CROCC2: variants seen among roughly 807,000 people sequenced by gnomAD.
CROCC2 encodes ciliary rootlet coiled-coil protein 2.
A neutral mutation model predicts 177.6 loss-of-function variants in CROCC2; 163 were observed. The observed-to-expected ratio is 0.92, with a 90% CI of 0.81 to 1.05. The LOEUF is 1.05. Ranked by LOEUF, CROCC2 falls within the 50% of genes least tolerant of loss-of-function variation. The pLI is 0.00. For missense variants in CROCC2, 1,929 were observed against 1,797.8 expected (o/e 1.07, Z -1.32); for synonymous variants, 904 against 787.3 (o/e 1.15, Z -2.48).
At chr2:240,990,919 C>T (rs944098639) in intron 30 of CROCC2, among the ~76,000 whole-genome samples, 3 of 152,208 alleles carry the variant, frequency 2.0e-5, no homozygotes, top group South Asian at 2.1e-4. Flanking sequence ...TGAACAGAAG[C>T]GGGCCCATCC....
intron 11 of CROCC2, 56 bp from the exon 12 acceptor site, chr2:240,934,275 T>C: frequency 6.5e-7 from 1 of 1,526,974 alleles, no homozygotes; most frequent in Non-Finnish European, 8.8e-7. Context: ...TGAAATCCCA[T>C]GGGGCAGCCA....
intron 8 of CROCC2, 33 bp downstream of exon 8, chr2:240,932,447 AG>A (rs1177857822): frequency 1.4e-6 from 1 of 717,276 alleles, no homozygotes; most frequent in South Asian, 1.5e-5. Flanking sequence ...GCTGTGTGGC[AG>A]GGGTCTGTCA....
chr2:240,983,482 GGA>G, intron 28 of CROCC2: 1 of 1,242,080 alleles, frequency 8.1e-7, no homozygotes, highest in Non-Finnish European at 1.0e-6. Flanking sequence ...AGGCGCAGGC[GGA>G]GAGGCGCGTC....
At position 240,968,703 on chromosome 2, in the gene CROCC2, C is replaced by T. The variant is rs188760075; in HGVS notation, c.4401+441C>T. Among the ~76,000 whole-genome samples, 124 of 152,334 alleles carry T rather than the reference C, an allele frequency of 8.1e-4. 2 individuals carry two copies. In the East Asian group the frequency reaches 0.021, roughly 25 times the overall value. On this transcript the variant is annotated intron_variant, in intron 27 of 31. Coordinates refer to ENST00000690015, the MANE Select transcript of CROCC2 (RefSeq NM_001351305.2). ...CCTGCTCCAAGACCACTTTTCATTC[C>T]ATGTGGCTCAGACACAGAAGGGGCC... is the stretch of plus-strand genomic sequence containing the variant.
At chr2:240,968,611 G>A (rs2106482002) in intron 27 of CROCC2, among the ~76,000 whole-genome samples, 1 of 152,362 alleles carries the variant, frequency 6.6e-6, no homozygotes, top group South Asian at 2.1e-4. Flanking sequence ...TCTTCTTGCT[G>A]AGGCCACAGC....
Position 240,960,405 on chromosome 2 carries a change from G to A in CROCC2, c.3087+961G>A, listed in dbSNP as rs949041055. The stretch of plus-strand genomic sequence containing the variant: ...CACATGATGGTGACGTGGGGTGGGG[G>A]ACAGTCTTGGGCAGGGGGCAAGAGT... On this transcript the variant is annotated intron_variant, in intron 20 of 31. Transcript: ENST00000690015. The surrounding 1 kb of genome is among the most constrained non-coding windows in gnomAD (Gnocchi z 5.0). Among the ~76,000 whole-genome samples the A allele has an allele frequency of 4.6e-5, 7 of 152,172 alleles. No individual in the cohort carries two copies. The highest frequency in any genetic ancestry group is 1.4e-4 in the African/African-American group (6 of 41,452).
chr2:240,964,630 G>A lies in CROCC2; in HGVS notation c.3465+5G>A. 6.5e-7 allele frequency: 1 copy of A among 1,548,092 alleles called. No individual in the cohort carries two copies. Among genetic ancestry groups the A allele is most frequent in the Non-Finnish European group, 8.7e-7 (1 of 1,145,836 alleles). On this transcript the variant is annotated splice_donor_5th_base_variant and intron_variant, in intron 22 of 31. Coordinates refer to ENST00000690015, the MANE Select transcript of CROCC2 (RefSeq NM_001351305.2). ...CTCCGGGAACTCCACAGACAGGTAG[G>A]GCGGCAGGGAGGGGTCAACATCCAA...
chr2:240,922,429 C>A (rs1176686143), intron 3 of CROCC2, 110 bp from the exon 4 acceptor site: 2 of 582,376 alleles, frequency 3.4e-6, no homozygotes, highest in East Asian at 3.1e-5. Flanking sequence ...TGTGGGGCCC[C>A]AGGGAGCCCT....
At chr2:240,977,919 AGCCTC>A (rs2059775813) in intron 27 of CROCC2, among the ~76,000 whole-genome samples, 1 of 19,812 alleles carries the variant, frequency 5.0e-5, no homozygotes, top group African/African-American at 2.3e-4. Context: ...CTGGGGTAGG[AGCCTC>A]AGGATCCCAG....
At position 240,918,264 on chromosome 2, in the gene CROCC2, CTG is replaced by C. The variant is rs1169753007; in HGVS notation, c.79-459_79-458del. Among the ~76,000 whole-genome samples, 10 of 152,212 alleles carry C rather than the reference CTG, an allele frequency of 6.6e-5. No individual in the cohort carries two copies. The highest frequency in any genetic ancestry group is 6.5e-4 in the Admixed American group (10 of 15,292). ...CAAACACACACAAACACACTGGGCT[CTG>C]TGACTGCTGCGTGGGATCTAGGTCC... is the stretch of plus-strand genomic sequence containing the variant. On this transcript the variant is annotated intron_variant, in intron 1 of 31. Coordinates refer to ENST00000690015, the MANE Select transcript of CROCC2 (RefSeq NM_001351305.2). This position sits in a 1 kb window ranked among gnomAD's most constrained non-coding sequence, Gnocchi z 6.3.
At chr2:240,907,354 G>A (rs1348370607) in intron 1 of CROCC2, among the ~76,000 whole-genome samples, 5 of 152,024 alleles carry the variant, frequency 3.3e-5, no homozygotes, top group Non-Finnish European at 5.9e-5. Flanking sequence ...GTCCCACCTC[G>A]GATATCCCTC....
chr2:240,988,858 T>C lies in CROCC2; in HGVS notation c.4671T>C (p.Asn1557=). ...HQEVDGALRQ[N]QQLQAQMTEM... ...AGGTGGACGGAGCCCTGAGGCAAAA[T>C]CAGCAGCTGCAGGTCAACTGGGCCA... Residue 1557 remains asparagine (N), a synonymous_variant, in exon 29 of 32, where the codon AAT becomes AAC. Coordinates refer to ENST00000690015, the MANE Select transcript of CROCC2 (RefSeq NM_001351305.2). The C allele has an allele frequency of 3.4e-6, 5 of 1,483,594 alleles. No individual in the cohort carries two copies. The highest frequency in any genetic ancestry group is 3.6e-6 in the Non-Finnish European group (4 of 1,108,818). The allele number at this position is 1,483,594 out of a possible 1,614,324, so 91.9% of individuals were successfully genotyped here.
In CROCC2 at chr2:240,960,611, C is replaced by T. The variant is rs185319220; in HGVS notation, c.3087+1167C>T. Among the ~76,000 whole-genome samples, 7 of 152,216 alleles carry T rather than the reference C, an allele frequency of 4.6e-5. No homozygotes were observed. Among genetic ancestry groups the T allele is most frequent in the African/African-American group, 1.7e-4 (7 of 41,538 alleles). On this transcript the variant is annotated intron_variant, in intron 20 of 31. Transcript: ENST00000690015. The surrounding 1 kb of genome is among the most constrained non-coding windows in gnomAD (Gnocchi z 5.0). ...GGGGCCCACGGGGACGGGGCGACCT[C>T]GCACACTCCCTGGGCTGCTTGCCAA...
intron 19 of CROCC2, 70 bp downstream of exon 19, chr2:240,956,042 C>T: frequency 8.9e-7 from 1 of 1,121,346 alleles, no homozygotes; most frequent in Non-Finnish European, 1.3e-6. Context: ...GGCCACCCCT[C>T]CTGCCTGGTC....
At chr2:240,926,728 C>A (rs1178664817) in intron 5 of CROCC2, among the ~76,000 whole-genome samples, 1 of 152,264 alleles carries the variant, frequency 6.6e-6, no homozygotes, top group Non-Finnish European at 1.5e-5. Context: ...AGGTCCCAGC[C>A]CCGAGCCCCC....
rs61308140 is a variant in CROCC2 at position 240,992,982 on chromosome 2, C to T, written c.4947-84C>T. The T allele has an allele frequency of 3.3e-5, 23 of 692,680 alleles. 1 individual carries two copies. Among genetic ancestry groups the T allele is most frequent in the South Asian group, 1.1e-4 (7 of 65,136 alleles). The allele number at this position is 692,680 out of a possible 1,614,324, so 42.9% of individuals were successfully genotyped here. ...CAGTTGTGGGCAGGAGACTCAGCAT[C>T]GGTCCCTCCAGCCCCCGGCAGCAGG... On this transcript the variant is annotated intron_variant, in intron 31 of 31. Coordinates refer to ENST00000690015, the MANE Select transcript of CROCC2 (RefSeq NM_001351305.2).
intron 14 of CROCC2, among the ~76,000 whole-genome samples, chr2:240,942,840 A>C (rs74000171): frequency 0.028 from 4,302 of 151,792 alleles, 144 homozygotes; most frequent in East Asian, 0.16. Context: ...TCCAGGTTTT[A>C]TTTTCTTTTT....
Position 240,988,865 on chromosome 2 carries a change from C to T in CROCC2, c.4678C>T (p.Leu1560=), listed in dbSNP as rs2059858026. ...VDGALRQNQQ[L]QAQMTEMEQA... ...CGGAGCCCTGAGGCAAAATCAGCAGCTGCAGGTCAACTGGGCCAGTGGAGC... is the reference window on the plus strand; with the variant it reads ...CGGAGCCCTGAGGCAAAATCAGCAGTTGCAGGTCAACTGGGCCAGTGGAGC... Residue 1560 remains leucine (L), a synonymous_variant, in exon 29 of 32, where the codon CTG becomes TTG. Coordinates refer to ENST00000690015, the MANE Select transcript of CROCC2 (RefSeq NM_001351305.2). The T allele has an allele frequency of 6.8e-7, 1 of 1,479,398 alleles. No homozygotes were observed. Among genetic ancestry groups the T allele is most frequent in the Non-Finnish European group, 9.0e-7 (1 of 1,106,486 alleles). The allele number at this position is 1,479,398 out of a possible 1,614,324, so 91.6% of individuals were successfully genotyped here. A position where few individuals can be genotyped will look rare whatever the true frequency, so the allele number is the denominator to read the frequency against.
At chr2:240,930,511 C>A (rs2059421921) in intron 6 of CROCC2, among the ~76,000 whole-genome samples, 1 of 151,988 alleles carries the variant, frequency 6.6e-6, no homozygotes, top group South Asian at 2.1e-4. Flanking sequence ...TTGGGGACAC[C>A]AAGGAGAGAT....
Sources: allele counts gnomAD v4.1 joint callset (sites outside exome capture counted in the v4.1 genomes callset), GRCh38; gene constraint gnomAD v4.1.1; non-coding constraint Gnocchi (gnomAD v3.1); transcripts MANE v1.5; gene names NCBI Gene and HGNC (gene_info 2026-07-23, HGNC 2026-07-21).